Variants in UST observed in about 807,000 individuals in gnomAD.
The protein encoded by UST is chondroitin sulfate 2-O-sulfotransferase.
A neutral mutation model predicts 45.6 loss-of-function variants in UST; 21 were observed. The observed-to-expected ratio is 0.46, with a 90% CI of 0.33 to 0.66. UST has a LOEUF of 0.66. UST is among the 30% of genes least tolerant of loss of function. The pLI is 0.02. For synonymous variants in UST, 215 were observed against 200.6 expected, an observed-to-expected ratio of 1.07 and a Z score of -0.61; for missense variants, 463 against 512.4, an observed-to-expected ratio of 0.90 and a Z score of 0.93.
At chr6:148,961,938 G>A (rs1305795807) in intron 4 of UST, among the ~76,000 whole-genome samples, 2 of 152,118 alleles carry the variant, frequency 1.3e-5, no homozygotes, top group Non-Finnish European at 2.9e-5. Context: ...GCTATGCTCT[G>A]GTCCCTGATG....
chr6:149,004,506 C>A (rs1216749858), intron 5 of UST, among the ~76,000 whole-genome samples: 1 of 152,148 alleles, frequency 6.6e-6, no homozygotes, highest in Non-Finnish European at 1.5e-5. Flanking sequence ...GCCCATGGTG[C>A]CCCAGGAAGG....
intron 1 of UST, among the ~76,000 whole-genome samples, chr6:148,869,384 C>G (rs1020209914): frequency 2.2e-5 from 3 of 139,034 alleles, no homozygotes; most frequent in Non-Finnish European, 3.2e-5. Context: ...TTTATTAAAG[C>G]TTACTCCCTT....
chr6:148,761,694 C>G (rs567153089), intron 1 of UST, among the ~76,000 whole-genome samples: 1 of 152,252 alleles, frequency 6.6e-6, no homozygotes, highest in South Asian at 2.1e-4. Context: ...ACACTCACCC[C>G]TGCAGCCTTG....
chr6:149,064,451 C>T (rs1776702319), intron 7 of UST, among the ~76,000 whole-genome samples: 1 of 152,196 alleles, frequency 6.6e-6, no homozygotes, highest in Non-Finnish European at 1.5e-5. Context: ...ACAGAGAAAG[C>T]TCTCAAAGTG....
At position 148,748,081 on chromosome 6, in the gene UST, G is replaced by T. The variant is rs1035638554; in HGVS notation, c.247+404G>T. Among the ~76,000 whole-genome samples the T allele has an allele frequency of 6.6e-6, 1 of 152,160 alleles. No individual in the cohort carries two copies. The highest frequency in any genetic ancestry group is 1.5e-5 in the Non-Finnish European group (1 of 68,024). ...GAAGGTCCTCTTCGTTGCATTGTTAGTGACCGCAGTTCAGTCCCGTCCCGC... is the reference window on the plus strand; with the variant it reads ...GAAGGTCCTCTTCGTTGCATTGTTATTGACCGCAGTTCAGTCCCGTCCCGC... On this transcript the variant is annotated intron_variant, in intron 1 of 7. Coordinates refer to ENST00000367463, the MANE Select transcript of UST (RefSeq NM_005715.3). This position sits in a 1 kb window ranked among gnomAD's most constrained non-coding sequence, Gnocchi z 5.3.
chr6:149,045,878 G>A (rs773909490), intron 7 of UST, among the ~76,000 whole-genome samples: 1 of 152,116 alleles, frequency 6.6e-6, no homozygotes, highest in Non-Finnish European at 1.5e-5. Flanking sequence ...CTGGAAGCTT[G>A]AAGTCCTTTC....
intron 1 of UST, among the ~76,000 whole-genome samples, chr6:148,787,153 T>C (rs944083066): frequency 1.3e-5 from 2 of 152,200 alleles, no homozygotes; most frequent in East Asian, 1.9e-4. Flanking sequence ...ATTCTGTAGG[T>C]AGTTTGTTTA....
At chr6:148,864,653 A>G (rs539160456) in intron 1 of UST, among the ~76,000 whole-genome samples, 37 of 152,316 alleles carry the variant, frequency 2.4e-4, no homozygotes, top group African/African-American at 4.1e-4. Flanking sequence ...GCATCTTTCA[A>G]TCCAATCAAG....
chr6:148,894,516 A>G lies in UST; in HGVS notation c.291+7487A>G, dbSNP rs569819907. ...CACCAAGGATGGCTGGCAGCCACCA[A>G]CGAGCAGAGAAGCATGGAGCAGGTT... On this transcript the variant is annotated intron_variant, in intron 2 of 7. Transcript: ENST00000367463. 1.3e-3 allele frequency among the ~76,000 whole-genome samples: 202 copies of G among 152,304 alleles called. 2 individuals are homozygous for G. Among genetic ancestry groups the G allele is most frequent in the Admixed American group, 2.4e-3 (36 of 15,304 alleles).
intron 1 of UST, among the ~76,000 whole-genome samples, chr6:148,751,606 G>A (rs1428359917): frequency 1.3e-5 from 2 of 152,208 alleles, no homozygotes. Context: ...ATCATGCAAG[G>A]ATAACTGTTA....
intron 2 of UST, among the ~76,000 whole-genome samples, chr6:148,911,801 G>A (rs980535750): frequency 1.3e-5 from 2 of 151,924 alleles, no homozygotes; most frequent in Non-Finnish European, 2.9e-5. Flanking sequence ...TTTTGTTCTT[G>A]TATTAATTGT....
chr6:148,886,953 A>C (rs1374435339), intron 1 of UST, 33 bp from the exon 2 acceptor site: 4 of 1,590,788 alleles, frequency 2.5e-6, no homozygotes, highest in Non-Finnish European at 2.6e-6. Flanking sequence ...GATTTAAAAA[A>C]CGGATTCATC....
At chr6:148,989,468 G>A (rs895537155) in intron 5 of UST, among the ~76,000 whole-genome samples, 3 of 152,118 alleles carry the variant, frequency 2.0e-5, no homozygotes, top group African/African-American at 7.2e-5. Context: ...TAAAAAGTAA[G>A]CCATGAGACT....
At chr6:148,841,581 G>GTT (rs770638985) in intron 1 of UST, among the ~76,000 whole-genome samples, 9,281 of 111,046 alleles carry the variant, frequency 0.084, 397 homozygotes, top group Non-Finnish European at 0.12. Flanking sequence ...GGTCTGTTTT[G>GTT]TTTTTGTTTT....
chr6:148,903,624 G>A (rs954248273), intron 2 of UST, among the ~76,000 whole-genome samples: 23 of 152,118 alleles, frequency 1.5e-4, no homozygotes, highest in African/African-American at 5.3e-4. Context: ...AGTTTGAGAC[G>A]TGCAGACAGG....
chr6:148,965,489 A>C (rs1171453370), intron 5 of UST, among the ~76,000 whole-genome samples: 2 of 152,224 alleles, frequency 1.3e-5, no homozygotes, highest in African/African-American at 4.8e-5. Context: ...AAGATCGCCC[A>C]GAGCTGAGGC....
At chr6:148,883,096 T>A (rs925484177) in intron 1 of UST, among the ~76,000 whole-genome samples, 1 of 152,240 alleles carries the variant, frequency 6.6e-6, no homozygotes, top group African/African-American at 2.4e-5. Context: ...AGTGTAGACA[T>A]AACTGTTAAG....
chr6:148,889,598 C>A (rs9498175), intron 2 of UST, among the ~76,000 whole-genome samples: 52,217 of 151,996 alleles, frequency 0.34, 9,807 homozygotes, highest in East Asian at 0.49. Context: ...GTCAATGGGA[C>A]CCATCAGCTG....
intron 1 of UST, among the ~76,000 whole-genome samples, chr6:148,867,777 T>C (rs953726308): frequency 1.3e-5 from 2 of 152,168 alleles, no homozygotes; most frequent in African/African-American, 4.8e-5. Context: ...TTATCCAGTC[T>C]CAGGTATGTC....
Sources: gnomAD v4.1 joint callset for allele counts (sites outside exome capture counted in the v4.1 genomes callset) on GRCh38, gnomAD v4.1.1 for gene constraint, Gnocchi (gnomAD v3.1) non-coding constraint, MANE v1.5 for transcripts, NCBI Gene and HGNC (gene_info 2026-07-23, HGNC 2026-07-21) for gene names.